The following OLR1 variants were observed in gnomAD, a reference collection of about 807,000 sequenced individuals.
The protein encoded by OLR1 is oxidized low-density lipoprotein receptor 1.
Under a neutral mutation model 31.7 loss-of-function variants are expected in OLR1, and 23 were observed. The observed-to-expected ratio is 0.72, with a 90% CI of 0.52 to 1.03. The LOEUF (loss-of-function observed/expected upper bound fraction) is 1.03, where lower values mean the gene tolerates loss of function less well. Ranked by LOEUF, OLR1 falls within the 50% of genes least tolerant of loss-of-function variation. OLR1 has a pLI of 0.00. For missense variants in OLR1, 286 were observed against 315.7 expected, an observed-to-expected ratio of 0.91 and a Z score of 0.71; for synonymous variants, 117 against 115.8, an observed-to-expected ratio of 1.01 and a Z score of -0.07.
At chr12:10,165,046 C>T (rs533195304) in intron 3 of OLR1, among the ~76,000 whole-genome samples, 5 of 152,048 alleles carry the variant, frequency 3.3e-5, no homozygotes, top group African/African-American at 9.6e-5. Flanking sequence ...GCGGATCACC[C>T]GAGGTCAGGA....
chr12:10,173,305 G>A (rs1370812869), upstream of OLR1, among the ~76,000 whole-genome samples: 1 of 150,734 alleles, frequency 6.6e-6, no homozygotes. Context: ...ATTACTCCAG[G>A]AAAAAAAAGT....
At chr12:10,173,048 G>A (rs960483668), upstream of OLR1, among the ~76,000 whole-genome samples, 1 of 152,112 alleles carries the variant, frequency 6.6e-6, no homozygotes. Context: ...ATAATTATTA[G>A]TATAGTACTA....
upstream of OLR1, chr12:10,172,369 G>T: frequency 3.5e-6 from 1 of 282,364 alleles, no homozygotes; most frequent in African/African-American, 2.1e-5. Flanking sequence ...CATCAGAGGA[G>T]AGATATTGTA....
At chr12:10,169,587 C>G (rs35294307) in intron 1 of OLR1, among the ~76,000 whole-genome samples, 2,396 of 152,288 alleles carry the variant, frequency 0.016, 56 homozygotes, top group African/African-American at 0.053. Flanking sequence ...TTTTAATATA[C>G]ACCACGTGTA....
chr12:10,171,990 C>A lies in OLR1; in HGVS notation c.76+12G>T. The A allele has an allele frequency of 6.2e-7, 1 of 1,602,702 alleles. No homozygotes were observed. The highest frequency in any genetic ancestry group is 8.5e-7 in the Non-Finnish European group (1 of 1,169,910). The stretch of plus-strand genomic sequence containing the variant: ...GATTCTTTCCCTGTACACATTTTCC[C>A]ATCCCTAGTACCTTTAGCTTTTTTT... On this transcript the variant is annotated intron_variant, in intron 1 of 5. Transcript: ENST00000309539.
upstream of OLR1, among the ~76,000 whole-genome samples, chr12:10,173,027 G>A (rs1180128182): frequency 1.3e-5 from 2 of 152,026 alleles, no homozygotes; most frequent in African/African-American, 2.4e-5. Flanking sequence ...ATAATAAGAA[G>A]CCAATAAATA....
intron 1 of OLR1, among the ~76,000 whole-genome samples, chr12:10,171,542 T>C (rs1224988422): frequency 6.6e-6 from 1 of 152,208 alleles, no homozygotes; most frequent in African/African-American, 2.4e-5. Context: ...CTTACAGAAA[T>C]TATCGTTATA....
At chr12:10,161,946 A>ATATATATATATATATAT (rs35023147) in intron 3 of OLR1, among the ~76,000 whole-genome samples, 16 of 82,110 alleles carry the variant, frequency 1.9e-4, no homozygotes, top group African/African-American at 5.8e-4. Flanking sequence ...TATATATATA[A>ATATATATATATATATAT]AAAACACATA....
At chr12:10,173,376 G>C (rs1405782704), upstream of OLR1, among the ~76,000 whole-genome samples, 1 of 152,064 alleles carries the variant, frequency 6.6e-6, no homozygotes, top group Non-Finnish European at 1.5e-5. Flanking sequence ...AAACATATAG[G>C]AAACTATTAG....
chr12:10,173,446 C>G (rs758314628), upstream of OLR1, among the ~76,000 whole-genome samples: 1 of 152,076 alleles, frequency 6.6e-6, no homozygotes, highest in Non-Finnish European at 1.5e-5. Flanking sequence ...CTCCCTGTTT[C>G]CTATATTCCT....
Position 10,158,845 on chromosome 12 carries a change from G to T in OLR1, c.*1035C>A, listed in dbSNP as rs940950941. 1 of 151,680 alleles carries T rather than the reference G, an allele frequency of 6.6e-6. No individual in the cohort carries two copies. Among genetic ancestry groups the T allele is most frequent in the South Asian group, 2.1e-4 (1 of 4,806 alleles). The allele number at this position is 151,680 out of a possible 1,614,324, so 9.4% of individuals were successfully genotyped here. On this transcript the variant is annotated 3_prime_UTR_variant, in exon 6 of 6. Coordinates refer to ENST00000309539, the MANE Select transcript of OLR1 (RefSeq NM_002543.4). ...AGATTGTGTGCAGCAAAATAAAAAG[G>T]CTTCCTTTAAAGTAGAATAGCCTGT...
At chr12:10,161,069 A>G (rs1411636919) in intron 3 of OLR1, 144 bp from the exon 4 acceptor site, 3 of 867,040 alleles carry the variant, frequency 3.5e-6, no homozygotes, top group South Asian at 3.8e-5. Context: ...TTTAGTAGAG[A>G]TGGGGTTTCA....
rs368212433 is a variant in OLR1 at position 10,166,960 on chromosome 12, G to A, written c.179-3C>T. On this transcript the variant is annotated splice_region_variant and splice_polypyrimidine_tract_variant and intron_variant, in intron 2 of 5. Transcript: ENST00000309539. ...TAGGAGGTCAGACACCTGGGATACT[G>A]AATCACAGTTGCATTAAGACTCTAG... The A allele has an allele frequency of 6.2e-7, 1 of 1,611,014 alleles. No homozygotes were observed. The highest frequency in any genetic ancestry group is 1.3e-5 in the African/African-American group (1 of 74,406).
chr12:10,160,125 A>G, intron 5 of OLR1, 104 bp from the exon 6 acceptor site: 19 of 1,257,108 alleles, frequency 1.5e-5, no homozygotes, highest in Non-Finnish European at 2.1e-5. Context: ...AAAGCCTCCA[A>G]TCAGTAATAA....
At chr12:10,174,435 A>C (rs2634164), upstream of OLR1, among the ~76,000 whole-genome samples, 75,426 of 151,884 alleles carry the variant, frequency 0.5, 20,049 homozygotes, top group East Asian at 0.79. Context: ...TATTAATCAG[A>C]AGAGGAAAGT....
rs1174203633 is a variant in OLR1, at chr12:10,159,970, T to G, written c.732A>C (p.Ala244=). The G allele has an allele frequency of 6.2e-7, 1 of 1,614,108 alleles. No individual in the cohort carries two copies. The change falls in exon 6 of 6, where the codon GCA becomes GCC. Residue 244 remains alanine (A), a synonymous_variant. Transcript: ENST00000309539. ...VSQTYPSGTC[A]YIQRGAVYAE... ...CATAAACAGCTCCTCGTTGTATATATGCACAGGTACCTGAAGGGTATGTCT... is the reference window on the plus strand; with the variant it reads ...CATAAACAGCTCCTCGTTGTATATAGGCACAGGTACCTGAAGGGTATGTCT...
chr12:10,160,251 A>T (rs549125007), intron 5 of OLR1, 96 bp downstream of exon 5: 1 of 1,025,312 alleles, frequency 9.8e-7, no homozygotes, highest in African/African-American at 1.6e-5. Flanking sequence ...TGGCAAGAAG[A>T]GGACATTGGT....
chr12:10,172,169 C>T (rs1948727861), upstream of OLR1: 1 of 788,158 alleles, frequency 1.3e-6, no homozygotes, highest in South Asian at 1.5e-5. Context: ...ATTTAAATAG[C>T]TACTGTTATC....
chr12:10,166,527 A>G (rs1455787477), intron 3 of OLR1, among the ~76,000 whole-genome samples, 185 bp downstream of exon 3: 1 of 131,930 alleles, frequency 7.6e-6, no homozygotes, highest in Non-Finnish European at 1.5e-5. Context: ...AACTCCATCT[A>G]AAAAAAAAAA....
Sources: gnomAD v4.1 joint callset for allele counts (sites outside exome capture counted in the v4.1 genomes callset) on GRCh38, gnomAD v4.1.1 for gene constraint, MANE v1.5 for transcripts, NCBI Gene and HGNC (gene_info 2026-07-23, HGNC 2026-07-21) for gene names.